The following IKZF3 variants were observed in gnomAD, a reference collection of about 807,000 sequenced individuals.
IKZF3 encodes the protein zinc finger protein Aiolos.
IKZF3 carries 10 observed loss-of-function variants against 49.0 expected under a neutral mutation model. The observed-to-expected ratio is 0.20, with a 90% CI of 0.13 to 0.35. The LOEUF (loss-of-function observed/expected upper bound fraction) is 0.35. Among genes scored for constraint, IKZF3 ranks in the 10% least tolerant of loss-of-function variants. The pLI is 1.00. For synonymous variants in IKZF3, 209 were observed against 228.2 expected, an observed-to-expected ratio of 0.92 and a Z score of 0.76; for missense variants, 498 against 664.8, an observed-to-expected ratio of 0.75 and a Z score of 2.76.
chr17:39,814,651 G>T (rs551731779), intron 3 of IKZF3, among the ~76,000 whole-genome samples: 1 of 152,120 alleles, frequency 6.6e-6, no homozygotes, highest in East Asian at 1.9e-4. Flanking sequence ...TGAAGCCCAC[G>T]TGACAATGGA....
At chr17:39,800,482 T>C (rs896777247) in intron 3 of IKZF3, among the ~76,000 whole-genome samples, 4 of 152,212 alleles carry the variant, frequency 2.6e-5, no homozygotes, top group African/African-American at 9.6e-5. Context: ...CACAAATTGC[T>C]GATAAAGGTA....
chr17:39,818,969 T>G (rs1437502057), intron 3 of IKZF3, among the ~76,000 whole-genome samples: 1 of 139,172 alleles, frequency 7.2e-6, no homozygotes, highest in Middle Eastern at 3.5e-3. Flanking sequence ...ATCTTCTCTA[T>G]CAAGAACTGC....
chr17:39,860,110 G>T (rs75970615), intron 1 of IKZF3, among the ~76,000 whole-genome samples: 1 of 151,998 alleles, frequency 6.6e-6, no homozygotes, highest in Non-Finnish European at 1.5e-5. Context: ...ATGGCGGTTT[G>T]TACAATAAAT....
intron 1 of IKZF3, among the ~76,000 whole-genome samples, chr17:39,862,559 C>T (rs1243119706): frequency 2.0e-5 from 3 of 152,068 alleles, no homozygotes; most frequent in Admixed American, 6.6e-5. Flanking sequence ...TACGCAAGGA[C>T]CTGACATTAA....
intron 1 of IKZF3, among the ~76,000 whole-genome samples, chr17:39,850,384 AT>A (rs2062783998): frequency 7.4e-6 from 1 of 135,922 alleles, no homozygotes; most frequent in African/African-American, 2.7e-5. Flanking sequence ...TATATATAAT[AT>A]ATAGCATATT....
intron 3 of IKZF3, among the ~76,000 whole-genome samples, chr17:39,808,507 T>G (rs940087334): frequency 1.3e-5 from 2 of 152,232 alleles, no homozygotes; most frequent in Non-Finnish European, 2.9e-5. Flanking sequence ...TTCTTTGTTA[T>G]ATTTTGTGCT....
At chr17:39,855,537 ATC>A (rs1256245632) in intron 1 of IKZF3, among the ~76,000 whole-genome samples, 1 of 152,232 alleles carries the variant, frequency 6.6e-6, no homozygotes, top group African/African-American at 2.4e-5. Flanking sequence ...TGCAATGGAT[ATC>A]TATAGAGTCC....
At chr17:39,787,405 C>T (rs2060898582) in intron 6 of IKZF3, among the ~76,000 whole-genome samples, 1 of 152,204 alleles carries the variant, frequency 6.6e-6, no homozygotes. Context: ...ATAGAAGCAT[C>T]ACAATAAATC....
chr17:39,847,999 A>G (rs2062683669), intron 1 of IKZF3, among the ~76,000 whole-genome samples: 1 of 152,234 alleles, frequency 6.6e-6, no homozygotes, highest in African/African-American at 2.4e-5. Context: ...CTGACTGTGC[A>G]TTATTGCTGA....
rs1363606679 is a variant in IKZF3 at position 39,758,383 on chromosome 17, G to A, written c.*7407C>T. 6.6e-6 allele frequency: 1 copy of A among 152,158 alleles called. No individual in the cohort carries two copies. The highest frequency in any genetic ancestry group is 2.4e-5 in the African/African-American group (1 of 41,434). 9.4% of individuals were successfully genotyped at this position (152,158 alleles called of 1,614,324 possible). ...TAGCCTGGAGTATACATGAGTCACT[G>A]GCGGTGGGATCAGTCATTTTTTAGG... On this transcript the variant is annotated 3_prime_UTR_variant, in exon 8 of 8. Transcript: ENST00000346872.
chr17:39,798,919 A>C (rs1407721625), intron 3 of IKZF3, among the ~76,000 whole-genome samples: 1 of 151,294 alleles, frequency 6.6e-6, no homozygotes, highest in Non-Finnish European at 1.5e-5. Flanking sequence ...TTACTTATGA[A>C]CTCACCTCCC....
At position 39,766,032 on chromosome 17, in the gene IKZF3, G is replaced by T. The variant is rs1265581112; in HGVS notation, c.1288C>A (p.Pro430Thr). 6.2e-7 allele frequency: 1 copy of T among 1,614,094 alleles called. No individual in the cohort carries two copies. The highest frequency in any genetic ancestry group is 8.5e-7 in the Non-Finnish European group (1 of 1,180,036). Residue 430 changes from proline to threonine, a missense_variant, in exon 8 of 8, where the codon CCC becomes ACC. By Grantham distance (38) the Pro-to-Thr change is conservative (BLOSUM62 -1). Transcript: ENST00000346872. ...GAGTCTCTTGGGCAGATGGGCGGGG[G>T]CTTGAGGAGTTCGTAAGAGCGGGGA... ...EVPRSYELLK[P>T]PPICPRDSVK...
At chr17:39,841,356 T>C (rs1365698789) in intron 1 of IKZF3, among the ~76,000 whole-genome samples, 1 of 151,982 alleles carries the variant, frequency 6.6e-6, no homozygotes, top group Non-Finnish European at 1.5e-5. Flanking sequence ...CACTAGAGGC[T>C]AAATGGAATG....
At chr17:39,784,409 CT>C (rs35165958) in intron 6 of IKZF3, among the ~76,000 whole-genome samples, 305 of 143,980 alleles carry the variant, frequency 2.1e-3, no homozygotes, top group Non-Finnish European at 2.4e-3. Context: ...TCACTAGTGT[CT>C]TTTTTTTTTT....
rs897157995 is a variant in IKZF3 at position 39,760,847 on chromosome 17, T to G, written c.*4943A>C. 5 of 152,256 alleles carry G rather than the reference T, an allele frequency of 3.3e-5. No individual in the cohort carries two copies. Among genetic ancestry groups the G allele is most frequent in the African/African-American group, 1.2e-4 (5 of 41,466 alleles). 9.4% of individuals were successfully genotyped at this position (152,256 alleles called of 1,614,324 possible). A position where few individuals can be genotyped will look rare whatever the true frequency, so the allele number is the denominator to read the frequency against. On this transcript the variant is annotated 3_prime_UTR_variant, in exon 8 of 8. Coordinates refer to ENST00000346872, the MANE Select transcript of IKZF3 (RefSeq NM_012481.5). ...TTTTGTGTTTTTAAACATTTCTGTT[T>G]GCCAAAGAAATCTGAGGTTGTGGCT...
At chr17:39,846,317 C>A (rs1282494837) in intron 1 of IKZF3, among the ~76,000 whole-genome samples, 1 of 152,110 alleles carries the variant, frequency 6.6e-6, no homozygotes, top group African/African-American at 2.4e-5. Flanking sequence ...CTACTCATAG[C>A]CATTCTAGCA....
At position 39,766,040 on chromosome 17, in the gene IKZF3, A is replaced by G. The variant is rs773286524; in HGVS notation, c.1280T>C (p.Leu427Pro). The G allele has an allele frequency of 1.9e-6, 3 of 1,614,108 alleles. 1 individual carries two copies. The South Asian group carries it at 3.3e-5, about 18-fold the overall frequency. Residue 427 changes from leucine (L) to proline (P), a missense_variant, in exon 8 of 8, where the codon CTC becomes CCC. By Grantham distance (98) the Leu-to-Pro change is moderately conservative (BLOSUM62 -3). Around this residue, in one of 3 missense-constraint regions of IKZF3, gnomAD observed 317 missense variants for 397.3 expected, o/e 0.80. Transcript: ENST00000346872. ...TGGGCAGATGGGCGGGGGCTTGAGG[A>G]GTTCGTAAGAGCGGGGAACCTCCTT... is the stretch of plus-strand genomic sequence containing the variant. ...LLKEVPRSYE[L>P]LKPPPICPRD...
chr17:39,782,730 C>T (rs925120269), intron 6 of IKZF3, among the ~76,000 whole-genome samples: 14 of 152,086 alleles, frequency 9.2e-5, no homozygotes, highest in African/African-American at 3.4e-4. Flanking sequence ...CGGTGTAATG[C>T]TGCAAGTGGT....
intron 1 of IKZF3, 99 bp from the exon 2 acceptor site, chr17:39,832,250 A>C: frequency 1.3e-6 from 1 of 772,650 alleles, no homozygotes. Context: ...GGAAAACTTA[A>C]CAGCAGAATT....
Sources: allele counts gnomAD v4.1 joint callset (sites outside exome capture counted in the v4.1 genomes callset), GRCh38; gene constraint gnomAD v4.1.1; regional missense constraint gnomAD v4.1.1; transcripts MANE v1.5; gene names NCBI Gene and HGNC (gene_info 2026-07-23, HGNC 2026-07-21).